The following TLN2 variants were observed in gnomAD, a reference collection of about 807,000 sequenced individuals.
TLN2 encodes talin 2.
Under a neutral mutation model 294.7 loss-of-function variants are expected in TLN2, and 118 were observed. The observed-to-expected ratio is 0.40, with a 90% CI of 0.34 to 0.47. The LOEUF (loss-of-function observed/expected upper bound fraction) is 0.47. Among genes scored for constraint, TLN2 ranks in the 20% least tolerant of loss-of-function variants. The probability of loss-of-function intolerance (pLI) is 0.84; values close to 1 mark genes in which losing one functional copy is unlikely to be tolerated. For synonymous variants in TLN2, 1,431 were observed against 1,304.5 expected (o/e 1.10, Z -2.09); for missense variants, 3,083 against 3,282.2 (o/e 0.94, Z 1.48).
intron 1 of TLN2, among the ~76,000 whole-genome samples, chr15:62,431,938 T>G (rs1005555547): frequency 4.6e-5 from 7 of 152,076 alleles, no homozygotes; most frequent in African/African-American, 1.7e-4. Flanking sequence ...CCGGGCATGG[T>G]CCCAGGCCCA....
intron 1 of TLN2, among the ~76,000 whole-genome samples, chr15:62,461,769 C>T (rs957026706): frequency 3.3e-5 from 5 of 152,174 alleles, no homozygotes; most frequent in African/African-American, 9.7e-5. Flanking sequence ...CTACTCCATG[C>T]GAGGGGAAGA....
Position 62,781,152 on chromosome 15 carries a change from A to C in TLN2, c.5527A>C (p.Thr1843Pro). Residue 1843 changes from threonine (T) to proline (P), a missense_variant, in exon 44 of 59, where the codon ACT (threonine) becomes CCT (proline). Transcript: ENST00000636159. ...CTCTCCTCTGTAGCTGGATGAAGGC[A>C]CTCCTCCAGAACCAAAGGGAACATT... is the stretch of plus-strand genomic sequence containing the variant. ...AEAMSKLDEGTPPEPKGTFVD... is the reference protein window; with the variant it reads ...AEAMSKLDEGPPPEPKGTFVD... The C allele has an allele frequency of 1.2e-6, 2 of 1,613,696 alleles. No individual in the cohort carries two copies. The highest frequency in any genetic ancestry group is 1.7e-6 in the Non-Finnish European group (2 of 1,179,666).
intron 28 of TLN2, chr15:62,733,787 A>C (rs535513551): frequency 1.3e-5 from 2 of 152,380 alleles, no homozygotes; most frequent in South Asian, 4.1e-4. Flanking sequence ...CTGTGTTTTC[A>C]AAGGACTGTG....
intron 1 of TLN2, among the ~76,000 whole-genome samples, chr15:62,423,585 A>AC (rs2034537360): frequency 6.9e-6 from 1 of 145,822 alleles, no homozygotes; most frequent in Admixed American, 6.9e-5. Context: ...GATGAAATTG[A>AC]TTTTTTTTTT....
rs2048013124 is a variant in TLN2, at chr15:62,612,738, A to G, written c.-161-5613A>G. Among the ~76,000 whole-genome samples, 4 of 152,284 alleles carry G rather than the reference A, an allele frequency of 2.6e-5. 1 individual carries two copies. In the South Asian group the frequency reaches 8.3e-4, roughly 32 times the overall value. On this transcript the variant is annotated intron_variant, in intron 2 of 58. Transcript: ENST00000636159. ...CTTCTTAGGGCTGACTTCTCCACTT[A>G]ATAGGTGAGATCTGCTGGATTGCGT...
chr15:62,551,476 C>A (rs1323923366), intron 1 of TLN2, among the ~76,000 whole-genome samples: 1 of 151,476 alleles, frequency 6.6e-6, no homozygotes, highest in East Asian at 1.9e-4. Context: ...TTGAGACCAG[C>A]CTGGCCAACA....
intron 41 of TLN2, among the ~76,000 whole-genome samples, chr15:62,767,626 A>G (rs11071692): frequency 0.63 from 96,202 of 152,074 alleles, 31,248 homozygotes; most frequent in Non-Finnish European, 0.7. Flanking sequence ...GGCGTGAGCC[A>G]CTGCGCCCGG....
chr15:62,432,066 G>A (rs755762292), intron 1 of TLN2, among the ~76,000 whole-genome samples: 1 of 152,136 alleles, frequency 6.6e-6, no homozygotes, highest in Non-Finnish European at 1.5e-5. Context: ...AGCAGGCCTC[G>A]TCCTGGTGTA....
At chr15:62,398,455 T>A (rs1295388135) in intron 1 of TLN2, among the ~76,000 whole-genome samples, 1 of 152,144 alleles carries the variant, frequency 6.6e-6, no homozygotes, top group African/African-American at 2.4e-5. Flanking sequence ...GGGGTGCTGC[T>A]ATAAAGATAC....
intron 1 of TLN2, among the ~76,000 whole-genome samples, chr15:62,506,637 C>T (rs933811982): frequency 5.3e-5 from 8 of 152,176 alleles, no homozygotes; most frequent in African/African-American, 1.9e-4. Context: ...TTGAAACAAG[C>T]AACATTGTCT....
At position 62,500,054 on chromosome 15, in the gene TLN2, A is replaced by G. The variant is rs184064406; in HGVS notation, c.-237-89633A>G. 1.9e-3 allele frequency among the ~76,000 whole-genome samples: 290 copies of G among 152,140 alleles called. 1 individual carries two copies. Among genetic ancestry groups the G allele is most frequent in the Admixed American group, 4.1e-3 (62 of 15,288 alleles). On this transcript the variant is annotated intron_variant, in intron 1 of 58. Coordinates refer to ENST00000636159, the MANE Select transcript of TLN2 (RefSeq NM_015059.3). ...GTTTTCTCTTGTTTAAAATGAATGTAGGCCAGGCGCAGTGGCTCAAACCTG... is the reference window on the plus strand; with the variant it reads ...GTTTTCTCTTGTTTAAAATGAATGTGGGCCAGGCGCAGTGGCTCAAACCTG...
chr15:62,614,043 G>A (rs1258056222), intron 2 of TLN2, among the ~76,000 whole-genome samples: 7 of 152,096 alleles, frequency 4.6e-5, no homozygotes, highest in East Asian at 1.9e-4. Context: ...GTTCATCATC[G>A]TGATTGTCAG....
At chr15:62,675,449 G>C (rs1037651153) in intron 11 of TLN2, 128 bp downstream of exon 11, 1 of 877,864 alleles carries the variant, frequency 1.1e-6, no homozygotes, top group East Asian at 2.6e-5. Flanking sequence ...CATCTGGCTA[G>C]TGCTGACCTG....
chr15:62,700,511 C>T (rs370259240), intron 16 of TLN2, among the ~76,000 whole-genome samples: 72 of 152,256 alleles, frequency 4.7e-4, no homozygotes, highest in African/African-American at 1.6e-3. Context: ...ATGATTTGCC[C>T]GAGGTCCTGT....
At chr15:62,664,629 T>C (rs1236316450) in intron 9 of TLN2, among the ~76,000 whole-genome samples, 3 of 151,748 alleles carry the variant, frequency 2.0e-5, no homozygotes, top group African/African-American at 7.3e-5. Flanking sequence ...GAGGCCGAAG[T>C]GGGTGGATCA....
At chr15:62,790,081 C>A (rs2064971840) in intron 45 of TLN2, among the ~76,000 whole-genome samples, 1 of 152,200 alleles carries the variant, frequency 6.6e-6, no homozygotes, top group South Asian at 2.1e-4. Flanking sequence ...AACTGCTCTC[C>A]TTTGCTTTCT....
At chr15:62,834,114 G>C (rs1342974396) in intron 55 of TLN2, 2 of 152,474 alleles carry the variant, frequency 1.3e-5, no homozygotes, top group Non-Finnish European at 2.9e-5. Flanking sequence ...TTTTAAATCT[G>C]AAATTTCTTC....
intron 53 of TLN2, among the ~76,000 whole-genome samples, chr15:62,819,831 G>C (rs185232220): frequency 1.6e-4 from 24 of 152,332 alleles, no homozygotes; most frequent in African/African-American, 4.8e-4. Context: ...TCTAGTCTTT[G>C]TATTAAGTGC....
intron 1 of TLN2, among the ~76,000 whole-genome samples, chr15:62,533,423 C>A (rs1046134481): frequency 6.6e-6 from 1 of 151,954 alleles, no homozygotes; most frequent in Non-Finnish European, 1.5e-5. Context: ...TCCCCTAACC[C>A]CTCCCTCAAC....
Sources: allele counts gnomAD v4.1 joint callset (sites outside exome capture counted in the v4.1 genomes callset), GRCh38; gene constraint gnomAD v4.1.1; transcripts MANE v1.5; gene names NCBI Gene and HGNC (gene_info 2026-07-23, HGNC 2026-07-21).